The following IDO2 variants were observed in gnomAD, a reference collection of about 807,000 sequenced individuals.
IDO2 encodes the protein indoleamine 2,3-dioxygenase-like 1 protein.
IDO2 carries 46 observed loss-of-function variants against 45.1 expected under a neutral mutation model. That is an observed-to-expected ratio of 1.02 (90% CI 0.80 to 1.30). IDO2 has a LOEUF of 1.30. Among genes scored for constraint, IDO2 ranks in the 50% most tolerant of loss-of-function variants. The probability of loss-of-function intolerance (pLI) is 0.00; values close to 1 mark genes in which losing one functional copy is unlikely to be tolerated. For synonymous variants in IDO2, 218 were observed against 184.9 expected (o/e 1.18, Z -1.45); for missense variants, 544 against 491.8 (o/e 1.11, Z -1.00).
At chr8:39,941,865 GCTACAGC>G (rs1164089780) in intron 1 of IDO2, among the ~76,000 whole-genome samples, 1 of 151,798 alleles carries the variant, frequency 6.6e-6, no homozygotes, top group African/African-American at 2.4e-5. Context: ...CAGAAGGATA[GCTACAGC>G]CCAGGAGTTC....
intron 3 of IDO2, among the ~76,000 whole-genome samples, chr8:39,975,111 C>T (rs1174071799): frequency 2.0e-5 from 3 of 150,628 alleles, no homozygotes; most frequent in Non-Finnish European, 4.4e-5. Context: ...AGAAAGACTC[C>T]GTCTCAAAAA....
At chr8:39,947,936 C>T (rs1044392638) in intron 1 of IDO2, among the ~76,000 whole-genome samples, 7 of 151,966 alleles carry the variant, frequency 4.6e-5, no homozygotes, top group African/African-American at 1.4e-4. Flanking sequence ...TACAGGCATG[C>T]GCCACCACGC....
In IDO2 at chr8:39,979,238, G is replaced by A. The variant is rs114799916; in HGVS notation, c.315+52G>A. The A allele has an allele frequency of 2.0e-3, 3,035 of 1,549,950 alleles. 55 individuals are homozygous for A. The African/African-American group carries it at 0.037, about 19-fold the overall frequency. ...GTTACCCGGCAGGTTACCTGCGCCT[G>A]GAGTAACGTGCTCCCTGCTTGGTGC... On this transcript the variant is annotated intron_variant, in intron 4 of 10. Coordinates refer to ENST00000502986, the Ensembl canonical transcript of IDO2.
chr8:39,952,095 C>A (rs1807822241), intron 2 of IDO2, among the ~76,000 whole-genome samples: 1 of 152,144 alleles, frequency 6.6e-6, no homozygotes, highest in African/African-American at 2.4e-5. Context: ...TTGGTGTGAC[C>A]ATTTTCAACT....
chr8:40,014,055 C>T (rs1802350305), intron 10 of IDO2, among the ~76,000 whole-genome samples: 1 of 152,102 alleles, frequency 6.6e-6, no homozygotes, highest in African/African-American at 2.4e-5. Flanking sequence ...TCTGGGCCAG[C>T]TGGAAACAGG....
chr8:40,001,936 C>A (rs1366282449), intron 8 of IDO2, among the ~76,000 whole-genome samples: 1 of 152,028 alleles, frequency 6.6e-6, no homozygotes, highest in Non-Finnish European at 1.5e-5. Context: ...TAAGCATGTG[C>A]CACCACACCA....
intron 8 of IDO2, among the ~76,000 whole-genome samples, chr8:39,994,402 C>T (rs970804861): frequency 4.4e-4 from 67 of 152,060 alleles, no homozygotes; most frequent in African/African-American, 1.6e-3. Context: ...GGATTATAGG[C>T]GTGTGCCACC....
At chr8:40,004,112 T>C (rs899204851) in intron 8 of IDO2, among the ~76,000 whole-genome samples, 2 of 152,176 alleles carry the variant, frequency 1.3e-5, no homozygotes, top group Non-Finnish European at 2.9e-5. Flanking sequence ...CTTAGCAGTA[T>C]TGGTGAAAAG....
At chr8:39,958,609 C>T (rs11989147) in intron 2 of IDO2, among the ~76,000 whole-genome samples, 2 of 152,092 alleles carry the variant, frequency 1.3e-5, no homozygotes, top group African/African-American at 4.8e-5. Context: ...TGTCACCACG[C>T]CTGGCTAATT....
chr8:39,964,938 C>T (rs1201030604), intron 3 of IDO2, among the ~76,000 whole-genome samples: 1 of 152,204 alleles, frequency 6.6e-6, no homozygotes, highest in East Asian at 1.9e-4. Flanking sequence ...GTCCCCTTTT[C>T]CCATCTCAGA....
In IDO2 at chr8:39,987,975, C is replaced by T; in HGVS notation, c.549+5C>T. The stretch of plus-strand genomic sequence containing the variant: ...GAAGCAGTGCCTGGGATAAAGGTAT[C>T]TTCTCACTTGATAGCACCTTTTCTT... On this transcript the variant is annotated splice_donor_5th_base_variant and intron_variant, in intron 7 of 10. Transcript: ENST00000502986. 6.4e-7 allele frequency: 1 copy of T among 1,554,664 alleles called. No homozygotes were observed. The highest frequency in any genetic ancestry group is 8.8e-7 in the Non-Finnish European group (1 of 1,131,212).
At chr8:39,944,596 C>A (rs4090533) in intron 1 of IDO2, among the ~76,000 whole-genome samples, 27,801 of 152,132 alleles carry the variant, frequency 0.18, 2,949 homozygotes, top group South Asian at 0.32. Flanking sequence ...GCTATATCCG[C>A]AATTCACAGG....
Position 40,013,549 on chromosome 8 carries a change from C to G in IDO2, c.720-16C>G. The G allele has an allele frequency of 6.2e-7, 1 of 1,608,634 alleles. No individual in the cohort carries two copies. Among genetic ancestry groups the G allele is most frequent in the South Asian group, 1.1e-5 (1 of 90,444 alleles). On this transcript the variant is annotated splice_polypyrimidine_tract_variant and intron_variant, in intron 9 of 10. Coordinates refer to ENST00000502986, the Ensembl canonical transcript of IDO2. Reference sequence around the variant, plus strand: ...CCCTGCACCCCTTTCATCTCTCTCACTTTTCTCTTGCTTAGATGGAAAGAC... The same window carrying G: ...CCCTGCACCCCTTTCATCTCTCTCAGTTTTCTCTTGCTTAGATGGAAAGAC...
At chr8:39,939,290 T>C (rs573184516) in intron 1 of IDO2, among the ~76,000 whole-genome samples, 1 of 147,532 alleles carries the variant, frequency 6.8e-6, no homozygotes, top group South Asian at 2.1e-4. Context: ...CTCACACCTG[T>C]AATCCCAGCA....
intron 3 of IDO2, among the ~76,000 whole-genome samples, chr8:39,970,842 C>G (rs1808167033): frequency 6.7e-6 from 1 of 148,784 alleles, no homozygotes; most frequent in Non-Finnish European, 1.5e-5. Context: ...TCTCAGCTCA[C>G]TGCAATCTCT....
At chr8:39,951,166 A>G (rs1410732116) in intron 2 of IDO2, among the ~76,000 whole-genome samples, 1 of 152,076 alleles carries the variant, frequency 6.6e-6, no homozygotes, top group Non-Finnish European at 1.5e-5. Context: ...GTAAAAGCCC[A>G]CTGAATTCCA....
At chr8:40,005,716 T>C (rs1485520034) in intron 9 of IDO2, among the ~76,000 whole-genome samples, 1 of 152,226 alleles carries the variant, frequency 6.6e-6, no homozygotes, top group Non-Finnish European at 1.5e-5. Context: ...TATTAAGGCA[T>C]GTAGAAGGCT....
intron 2 of IDO2, among the ~76,000 whole-genome samples, chr8:39,950,846 G>A (rs1327371168): frequency 6.6e-6 from 1 of 152,152 alleles, no homozygotes; most frequent in African/African-American, 2.4e-5. Context: ...TATGGGCTGG[G>A]GCTTTTCTAG....
intron 3 of IDO2, among the ~76,000 whole-genome samples, chr8:39,967,461 A>G (rs2129593978): frequency 6.6e-6 from 1 of 152,270 alleles, no homozygotes; most frequent in African/African-American, 2.4e-5. Context: ...ACGACTGTTT[A>G]CCTGTAATGC....
Sources: gnomAD v4.1 joint callset for allele counts (sites outside exome capture counted in the v4.1 genomes callset) on GRCh38, gnomAD v4.1.1 for gene constraint, MANE v1.5 for transcripts, NCBI Gene and HGNC (gene_info 2026-07-23, HGNC 2026-07-21) for gene names.